The following OCA2 variants were observed in gnomAD, a reference collection of about 807,000 sequenced individuals.
OCA2 encodes the protein P protein.
OCA2 carries 77 observed loss-of-function variants against 100.2 expected under a neutral mutation model. The ratio of observed to expected loss-of-function variants is 0.77; its 90% CI spans 0.64 to 0.93. The LOEUF is 0.93. Ranked by LOEUF, OCA2 falls within the 40% of genes least tolerant of loss-of-function variation. The pLI is 0.00. For missense variants in OCA2, 1,062 were observed against 1,089.1 expected, an observed-to-expected ratio of 0.98 and a Z score of 0.35; for synonymous variants, 432 against 439.2, an observed-to-expected ratio of 0.98 and a Z score of 0.21.
intron 22 of OCA2, among the ~76,000 whole-genome samples, chr15:27,850,394 A>T (rs149980181): frequency 1.3e-5 from 2 of 152,292 alleles, no homozygotes; most frequent in African/African-American, 4.8e-5. Flanking sequence ...GTTCAAATGA[A>T]CAGAATCCTC....
chr15:27,904,363 A>G (rs965909402), intron 19 of OCA2, among the ~76,000 whole-genome samples: 2 of 152,188 alleles, frequency 1.3e-5, no homozygotes, highest in African/African-American at 4.8e-5. Flanking sequence ...GCCTAAGAGA[A>G]CCAGAAGAGA....
At chr15:27,886,311 G>A (rs2037221164) in intron 19 of OCA2, among the ~76,000 whole-genome samples, 2 of 152,196 alleles carry the variant, frequency 1.3e-5, no homozygotes, top group African/African-American at 4.8e-5. Context: ...CAGCCCTTCA[G>A]GTCTAACTTT....
chr15:27,929,979 GACT>G (rs1567118963), intron 18 of OCA2, among the ~76,000 whole-genome samples: 1 of 152,024 alleles, frequency 6.6e-6, no homozygotes, highest in African/African-American at 2.4e-5. Context: ...CAAAAACACT[GACT>G]AAAGTAAATG....
intron 19 of OCA2, among the ~76,000 whole-genome samples, chr15:27,899,183 T>C (rs1168525685): frequency 6.6e-6 from 1 of 152,196 alleles, no homozygotes; most frequent in Non-Finnish European, 1.5e-5. Flanking sequence ...AGAAAAACCA[T>C]ATTATTTTCT....
At chr15:27,720,132 G>A in the OCA2 span, among the ~76,000 whole-genome samples, 1 of 152,040 alleles carries the variant, frequency 6.6e-6, no homozygotes, top group Non-Finnish European at 1.5e-5. Flanking sequence ...CTTGATGGGG[G>A]GACAAACATT....
At chr15:28,078,854 A>G (rs1424380335) in intron 2 of OCA2, among the ~76,000 whole-genome samples, 1 of 152,206 alleles carries the variant, frequency 6.6e-6, no homozygotes, top group East Asian at 1.9e-4. Flanking sequence ...CTTTATATGT[A>G]TATCCTGCCT....
chr15:27,832,820 T>A (rs1438957123), intron 23 of OCA2, among the ~76,000 whole-genome samples: 2 of 148,172 alleles, frequency 1.3e-5, no homozygotes, highest in Non-Finnish European at 3.0e-5. Flanking sequence ...ATGGCCGGAT[T>A]AAATATCTGA....
chr15:27,776,485 C>A (rs1287604710), intron 23 of OCA2: 2 of 152,244 alleles, frequency 1.3e-5, no homozygotes, highest in African/African-American at 2.4e-5. Context: ...TGAGTTACAT[C>A]GACTGCACAG....
In OCA2 at chr15:28,043,672, G is replaced by C. The variant is rs984856047; in HGVS notation, c.228-11509C>G. Among the ~76,000 whole-genome samples, 1 of 152,146 alleles carries C rather than the reference G, an allele frequency of 6.6e-6. No homozygotes were observed. Among genetic ancestry groups the C allele is most frequent in the African/African-American group, 2.4e-5 (1 of 41,412 alleles). On this transcript the variant is annotated intron_variant, in intron 2 of 23. Transcript: ENST00000354638. The surrounding 1 kb of genome is among the most constrained non-coding windows in gnomAD (Gnocchi z 4.4). The stretch of plus-strand genomic sequence containing the variant: ...ATCAGTATTGGAAGGATTGTTTTCA[G>C]GCAGAAAAAACCCGAGGGAAGAAAT...
intron 19 of OCA2, among the ~76,000 whole-genome samples, chr15:27,877,383 A>AT (rs142582506): frequency 0.016 from 2,429 of 151,010 alleles, 57 homozygotes; most frequent in African/African-American, 0.051. Context: ...GGCTTTCCTG[A>AT]TTTTTTTTTG....
Position 28,028,933 on chromosome 15 carries a change from A to T in OCA2, c.327-874T>A, listed in dbSNP as rs141742344. ...ACTCCTGACTTCAAGTGATCTGACT[A>T]CCTTGGCCTCCCAAAGTGCTGGGAT... On this transcript the variant is annotated intron_variant, in intron 3 of 23. Transcript: ENST00000354638. 9.8e-3 allele frequency among the ~76,000 whole-genome samples: 1,498 copies of T among 152,168 alleles called. 24 individuals are homozygous for T. Among genetic ancestry groups the T allele is most frequent in the African/African-American group, 0.034 (1,413 of 41,508 alleles).
At chr15:27,954,159 A>ACACACACACACACACC (rs147024497) in intron 17 of OCA2, among the ~76,000 whole-genome samples, 8 of 55,116 alleles carry the variant, frequency 1.5e-4, no homozygotes, top group African/African-American at 2.5e-4. Context: ...ACACACACAC[A>ACACACACACACACACC]CCTAGGGTCA....
At chr15:27,764,239 G>C (rs1478288467) in intron 23 of OCA2, among the ~76,000 whole-genome samples, 1 of 151,252 alleles carries the variant, frequency 6.6e-6, no homozygotes, top group Non-Finnish European at 1.5e-5. Context: ...ATAGAGGGGA[G>C]AAAGGAGAGG....
chr15:27,910,388 G>A (rs1187866295), intron 19 of OCA2, among the ~76,000 whole-genome samples: 1 of 152,168 alleles, frequency 6.6e-6, no homozygotes, highest in Non-Finnish European at 1.5e-5. Flanking sequence ...ATTCACCGTA[G>A]TGTTGTTTGT....
intron 23 of OCA2, among the ~76,000 whole-genome samples, chr15:27,826,761 G>T (rs74344562): frequency 0.5 from 76,238 of 151,500 alleles, 19,717 homozygotes; most frequent in South Asian, 0.76. Flanking sequence ...GCGGCCTAAG[G>T]CATCGAGACT....
chr15:27,752,462 A>G (rs1389245504), downstream of OCA2, among the ~76,000 whole-genome samples: 1 of 152,196 alleles, frequency 6.6e-6, no homozygotes, highest in Non-Finnish European at 1.5e-5. Context: ...GGAAAAGCTC[A>G]TGGCACTTTT....
intron 23 of OCA2, among the ~76,000 whole-genome samples, chr15:27,831,782 T>A (rs542124173): frequency 5.0e-4 from 76 of 152,304 alleles, no homozygotes; most frequent in African/African-American, 1.8e-3. Context: ...GAGGCCCAGC[T>A]AGACACTGCC....
chr15:27,729,658 T>C, the OCA2 span, among the ~76,000 whole-genome samples: 1 of 152,178 alleles, frequency 6.6e-6, no homozygotes, highest in Non-Finnish European at 1.5e-5. Flanking sequence ...CTTCTCATGC[T>C]GCCACTTTCT....
At chr15:27,892,893 T>A (rs2037523290) in intron 19 of OCA2, among the ~76,000 whole-genome samples, 1 of 152,148 alleles carries the variant, frequency 6.6e-6, no homozygotes, top group South Asian at 2.1e-4. Flanking sequence ...CTACATATAT[T>A]TCAGACATTA....
Sources: gnomAD v4.1 joint callset for allele counts (sites outside exome capture counted in the v4.1 genomes callset) on GRCh38, gnomAD v4.1.1 for gene constraint, Gnocchi (gnomAD v3.1) non-coding constraint, MANE v1.5 for transcripts, NCBI Gene and HGNC (gene_info 2026-07-23, HGNC 2026-07-21) for gene names.